Variants in KAT6B observed in about 807,000 individuals in gnomAD.
KAT6B encodes the protein lysine acetyltransferase 6B, also known as histone acetyltransferase KAT6B.
In KAT6B, 10 loss-of-function variants were observed where a neutral mutation model predicts 187.5. The observed-to-expected ratio is 0.05, with a 90% confidence interval of 0.03 to 0.09. KAT6B has a LOEUF of 0.09. KAT6B is among the 10% of genes least tolerant of loss of function. The probability of loss-of-function intolerance (pLI) is 1.00; values close to 1 mark genes in which losing one functional copy is unlikely to be tolerated. For synonymous variants in KAT6B, 861 were observed against 926.8 expected, an observed-to-expected ratio of 0.93 and a Z score of 1.29; for missense variants, 1,952 against 2,558.9, an observed-to-expected ratio of 0.76 and a Z score of 5.12.
intron 4 of KAT6B, among the ~76,000 whole-genome samples, chr10:74,963,909 A>C (rs2133569317): frequency 6.6e-6 from 1 of 152,190 alleles, no homozygotes; most frequent in East Asian, 1.9e-4. Context: ...GGATCACCTG[A>C]GGTCAGGAGT....
chr10:74,848,894 C>T (rs1193306312), intron 3 of KAT6B, among the ~76,000 whole-genome samples: 1 of 152,126 alleles, frequency 6.6e-6, no homozygotes, highest in Non-Finnish European at 1.5e-5. Context: ...TGCTTGAAGT[C>T]ATAGGATTTG....
chr10:75,014,624 A>G (rs1414532950), intron 13 of KAT6B, among the ~76,000 whole-genome samples: 1 of 152,204 alleles, frequency 6.6e-6, no homozygotes, highest in Non-Finnish European at 1.5e-5. Context: ...ACCGATTTAA[A>G]GTATAAACCA....
chr10:74,849,043 A>G (rs1317746367), intron 3 of KAT6B, among the ~76,000 whole-genome samples: 3 of 152,080 alleles, frequency 2.0e-5, no homozygotes, highest in Non-Finnish European at 2.9e-5. Flanking sequence ...GTGCAGTGGC[A>G]TGATCTTGGC....
chr10:74,860,245 A>G (rs1843086263), intron 3 of KAT6B, among the ~76,000 whole-genome samples: 1 of 152,136 alleles, frequency 6.6e-6, no homozygotes, highest in Admixed American at 6.6e-5. Flanking sequence ...CCCATTTAGT[A>G]TGTGACACAT....
intron 3 of KAT6B, among the ~76,000 whole-genome samples, chr10:74,920,947 C>T (rs1403084160): frequency 6.6e-6 from 1 of 151,998 alleles, no homozygotes; most frequent in African/African-American, 2.4e-5. Flanking sequence ...TGTGTGTACT[C>T]TAAAAGGAAA....
intron 1 of KAT6B, among the ~76,000 whole-genome samples, chr10:74,837,668 T>G (rs1386810715): frequency 6.6e-6 from 1 of 152,232 alleles, no homozygotes; most frequent in Non-Finnish European, 1.5e-5. Context: ...AAATTGGTTT[T>G]CAATCTATTC....
At chr10:74,905,572 T>C (rs554925743) in intron 3 of KAT6B, among the ~76,000 whole-genome samples, 1 of 152,290 alleles carries the variant, frequency 6.6e-6, no homozygotes, top group East Asian at 1.9e-4. Flanking sequence ...GGGTAAATCC[T>C]CATTCCCCCA....
chr10:74,895,091 C>T (rs1386780489), intron 3 of KAT6B, among the ~76,000 whole-genome samples: 4 of 149,782 alleles, frequency 2.7e-5, no homozygotes, highest in Admixed American at 6.6e-5. Context: ...TTTAATGGGT[C>T]TGAGGTGATA....
chr10:74,916,665 G>T (rs1460785679), intron 3 of KAT6B, among the ~76,000 whole-genome samples: 1 of 152,066 alleles, frequency 6.6e-6, no homozygotes, highest in Admixed American at 6.6e-5. Flanking sequence ...TTGATTTGGT[G>T]GGCATTCTTC....
At chr10:74,834,546 T>G (rs1277665617) in intron 1 of KAT6B, among the ~76,000 whole-genome samples, 1 of 152,034 alleles carries the variant, frequency 6.6e-6, no homozygotes, top group Non-Finnish European at 1.5e-5. Context: ...AGAGACAGAG[T>G]CTTGCTCTAT....
intron 13 of KAT6B, among the ~76,000 whole-genome samples, chr10:74,997,086 C>G (rs897533633): frequency 1.3e-5 from 2 of 151,802 alleles, no homozygotes; most frequent in African/African-American, 4.8e-5. Flanking sequence ...AGAGGATCAG[C>G]TATGGTGGCT....
chr10:74,875,980 C>T (rs1844386136), intron 3 of KAT6B, among the ~76,000 whole-genome samples: 1 of 152,166 alleles, frequency 6.6e-6, no homozygotes, highest in Non-Finnish European at 1.5e-5. Flanking sequence ...AATTCTAATT[C>T]CTGTTCCTTT....
intron 3 of KAT6B, among the ~76,000 whole-genome samples, chr10:74,885,557 CA>C (rs1228118430): frequency 2.0e-5 from 3 of 152,060 alleles, no homozygotes; most frequent in South Asian, 4.2e-4. Flanking sequence ...TTTGGGAAGG[CA>C]AAAATTAATT....
intron 3 of KAT6B, among the ~76,000 whole-genome samples, chr10:74,862,682 G>C (rs1256794347): frequency 6.6e-6 from 1 of 152,170 alleles, no homozygotes; most frequent in Non-Finnish European, 1.5e-5. Context: ...AAGGAGTCTT[G>C]TGGGGAAGTG....
At chr10:74,943,685 A>G (rs1266588889) in intron 3 of KAT6B, among the ~76,000 whole-genome samples, 1 of 152,200 alleles carries the variant, frequency 6.6e-6, no homozygotes, top group Non-Finnish European at 1.5e-5. Context: ...AACTAAAACT[A>G]TAAAACTAGA....
At chr10:74,834,274 T>A (rs868812649) in intron 1 of KAT6B, among the ~76,000 whole-genome samples, 34 of 151,768 alleles carry the variant, frequency 2.2e-4, no homozygotes, top group African/African-American at 8.0e-4. Context: ...CTCGGCTCAC[T>A]GCATCCACCA....
At chr10:74,989,477 C>G (rs1328019359) in intron 13 of KAT6B, among the ~76,000 whole-genome samples, 1 of 152,210 alleles carries the variant, frequency 6.6e-6, no homozygotes, top group Non-Finnish European at 1.5e-5. Flanking sequence ...ATTTTCAGCT[C>G]TCTGAAATTT....
chr10:74,939,622 A>G (rs891968199), intron 3 of KAT6B, among the ~76,000 whole-genome samples: 10 of 152,092 alleles, frequency 6.6e-5, no homozygotes, highest in Non-Finnish European at 1.0e-4. Flanking sequence ...GCTGGTCTCA[A>G]ACTTCTGACC....
In KAT6B at chr10:75,030,871, C is replaced by T. The variant is rs755586025; in HGVS notation, c.6047C>T (p.Thr2016Met). 1.2e-5 allele frequency: 20 copies of T among 1,614,036 alleles called. No homozygotes were observed. Among genetic ancestry groups the T allele is most frequent in the Admixed American group, 8.3e-5 (5 of 60,004 alleles). Residue 2016 changes from threonine (T) to methionine (M), a missense_variant, in exon 18 of 18, where the codon ACG becomes ATG. Physicochemically the swap from Thr to Met is moderately conservative, Grantham distance 81 (BLOSUM62 -1). Coordinates refer to ENST00000287239, the MANE Select transcript of KAT6B (RefSeq NM_012330.4). The surrounding 1 kb of genome is among the most constrained non-coding windows in gnomAD (Gnocchi z 4.8). The part of the protein sequence containing the change: ...YHSNHGYMNQ[T>M]PQYPMQMQMG... ...AGCAATCATGGCTATATGAATCAAA[C>T]GCCCCAATACCCTATGCAGATGCAG...
Sources: gnomAD v4.1 joint callset for allele counts (sites outside exome capture counted in the v4.1 genomes callset) on GRCh38, gnomAD v4.1.1 for gene constraint, Gnocchi (gnomAD v3.1) non-coding constraint, MANE v1.5 for transcripts, NCBI Gene and HGNC (gene_info 2026-07-23, HGNC 2026-07-21) for gene names.